Variants in FAM161B observed in about 807,000 individuals in gnomAD.
FAM161B encodes FAM161 centrosomal protein B.
In FAM161B, 46 loss-of-function variants were observed where a neutral mutation model predicts 61.5. The observed-to-expected ratio is 0.75, with a 90% CI of 0.59 to 0.96. FAM161B has a LOEUF of 0.96. Ranked by LOEUF, FAM161B falls within the 40% of genes least tolerant of loss-of-function variation. The pLI is 0.00. For synonymous variants in FAM161B, 284 were observed against 302.7 expected (o/e 0.94, Z 0.64); for missense variants, 774 against 800.7 (o/e 0.97, Z 0.40).
chr14:73,940,863 G>T, intron 5 of FAM161B, 63 bp downstream of exon 5: 1 of 1,548,400 alleles, frequency 6.5e-7, no homozygotes. Flanking sequence ...CCCCTTGGCA[G>T]GGAGGTTTCC....
downstream of FAM161B, among the ~76,000 whole-genome samples, chr14:73,930,946 A>G (rs182236710): frequency 2.6e-4 from 40 of 152,274 alleles, 1 homozygote; most frequent in East Asian, 1.7e-3. Context: ...CATTATTTCA[A>G]AACTCCTTTG....
chr14:73,925,243 G>A, the FAM161B span, among the ~76,000 whole-genome samples: 1 of 152,164 alleles, frequency 6.6e-6, no homozygotes, highest in African/African-American at 2.4e-5. Context: ...GCTTTGGAAT[G>A]AATCATACAT....
intron 1 of FAM161B, among the ~76,000 whole-genome samples, chr14:73,949,516 C>A (rs911730436): frequency 3.1e-5 from 4 of 127,162 alleles, no homozygotes; most frequent in Non-Finnish European, 7.1e-5. Context: ...GCGCGCCTGG[C>A]CAATTTTTTT....
the FAM161B span, chr14:73,923,494 C>G: frequency 6.2e-7 from 1 of 1,613,410 alleles, no homozygotes; most frequent in South Asian, 1.1e-5. Context: ...TATGAAGTTT[C>G]TGTCTTAACT....
Position 73,934,110 on chromosome 14 carries a change from C to T in FAM161B, c.*146G>A. On this transcript the variant is annotated 3_prime_UTR_variant, in exon 9 of 9. Coordinates refer to ENST00000286544, the MANE Select transcript of FAM161B (RefSeq NM_152445.3). Reference sequence around the variant, plus strand: ...GTGTTGGGATTACAGGCGTGAGCCACTGCGCCTGGCCTGTTAATCTGCTAC... The same window carrying T: ...GTGTTGGGATTACAGGCGTGAGCCATTGCGCCTGGCCTGTTAATCTGCTAC... The T allele has an allele frequency of 1.0e-6, 1 of 960,490 alleles. No individual in the cohort carries two copies. Among genetic ancestry groups the T allele is most frequent in the Non-Finnish European group, 1.5e-6 (1 of 667,638 alleles). The allele number at this position is 960,490 out of a possible 1,614,324, so 59.5% of individuals were successfully genotyped here. A position where few individuals can be genotyped will look rare whatever the true frequency, so the allele number is the denominator to read the frequency against.
chr14:73,929,594 T>C (rs960727749), downstream of FAM161B, among the ~76,000 whole-genome samples: 73 of 152,206 alleles, frequency 4.8e-4, no homozygotes, highest in African/African-American at 1.7e-3. Flanking sequence ...GCTAGCACTT[T>C]GGGAGGCTGG....
intron 3 of FAM161B, 152 bp downstream of exon 3, chr14:73,944,183 C>T: frequency 1.6e-6 from 2 of 1,264,724 alleles, no homozygotes; most frequent in South Asian, 1.5e-5. Flanking sequence ...ACCTAACCCT[C>T]CCCAATGGCC....
intron 4 of FAM161B, among the ~76,000 whole-genome samples, chr14:73,941,757 C>G (rs758243): frequency 0.41 from 62,842 of 151,974 alleles, 13,898 homozygotes; most frequent in South Asian, 0.5. Context: ...CCAGGCTGGC[C>G]TGCGGTGGCA....
rs199949854 is a variant in FAM161B, at chr14:73,946,446, G to A, written c.214C>T (p.Gln72Ter). 1.9e-6 allele frequency: 3 copies of A among 1,614,156 alleles called. No individual in the cohort carries two copies. The highest frequency in any genetic ancestry group is 2.5e-6 in the Non-Finnish European group (3 of 1,180,038). ...DSTGSIYQNLQELKQKGRWCL... is the reference protein window; with the variant it reads ...DSTGSIYQNL Reference sequence around the variant, plus strand: ...CATCTCCCTTTCTGCTTCAGTTCCTGTAAGTTCTGGTAAATGCTCCCAGTT... The same window carrying A: ...CATCTCCCTTTCTGCTTCAGTTCCTATAAGTTCTGGTAAATGCTCCCAGTT... The change falls in exon 2 of 9, where the codon CAG becomes TAG. Residue 72 changes from glutamine to a stop codon, truncating the protein, a stop_gained. Transcript: ENST00000286544. LOFTEE classifies it high-confidence loss of function.
In FAM161B at chr14:73,946,556, G is replaced by A; in HGVS notation, c.104C>T (p.Ser35Phe). The A allele has an allele frequency of 6.2e-7, 1 of 1,614,172 alleles. No individual in the cohort carries two copies. Among genetic ancestry groups the A allele is most frequent in the Non-Finnish European group, 8.5e-7 (1 of 1,180,040 alleles). Residue 35 changes from serine (S) to phenylalanine (F), a missense_variant, in exon 2 of 9, where the codon TCC (serine) becomes TTC (phenylalanine). Coordinates refer to ENST00000286544, the MANE Select transcript of FAM161B (RefSeq NM_152445.3). Reference sequence around the variant, plus strand: ...CCTGGGCAAAACCAGCCCATCCCCGGACAGCTCCTCTCCTGCCTCTGTGTC... The same window carrying A: ...CCTGGGCAAAACCAGCCCATCCCCGAACAGCTCCTCTCCTGCCTCTGTGTC... Reference protein sequence around the residue: ...FADTEAGEELSGDGLVLPRAS... With the variant: ...FADTEAGEELFGDGLVLPRAS...
Position 73,946,440 on chromosome 14 carries a change from G to A in FAM161B, c.220C>T (p.Leu74=). 1.2e-6 allele frequency: 2 copies of A among 1,614,160 alleles called. No homozygotes were observed. The highest frequency in any genetic ancestry group is 1.7e-6 in the Non-Finnish European group (2 of 1,180,030). Residue 74 remains leucine, a synonymous_variant, in exon 2 of 9, where the codon CTG becomes TTG. Coordinates refer to ENST00000286544, the MANE Select transcript of FAM161B (RefSeq NM_152445.3). The part of the protein sequence containing the change: ...TGSIYQNLQE[L]KQKGRWCLLE... ...AGACACCATCTCCCTTTCTGCTTCA[G>A]TTCCTGTAAGTTCTGGTAAATGCTC...
chr14:73,924,553 G>A, the FAM161B span: 1 of 354,456 alleles, frequency 2.8e-6, no homozygotes, highest in South Asian at 2.1e-5. Context: ...CTTGTGTCAT[G>A]GGAGTGGATG....
At chr14:73,949,866 T>C in intron 1 of FAM161B, 107 bp downstream of exon 1, 1 of 1,486,316 alleles carries the variant, frequency 6.7e-7, no homozygotes, top group South Asian at 1.3e-5. Context: ...CTCATTTTAA[T>C]CCCACGCCCC....
Position 73,934,400 on chromosome 14 carries a change from G to T in FAM161B, c.1806-6C>A. The T allele has an allele frequency of 3.1e-6, 5 of 1,588,506 alleles. No homozygotes were observed. Among genetic ancestry groups the T allele is most frequent in the Non-Finnish European group, 4.3e-6 (5 of 1,173,376 alleles). ...GTTTTGTAGTTTCTTGGAACCTGCA[G>T]AATAAATTAAAACATGAAAAACAAA... On this transcript the variant is annotated splice_polypyrimidine_tract_variant and splice_region_variant and intron_variant, in intron 8 of 8. Coordinates refer to ENST00000286544, the MANE Select transcript of FAM161B (RefSeq NM_152445.3).
At chr14:73,939,017 G>A (rs2055995292) in intron 5 of FAM161B, among the ~76,000 whole-genome samples, 1 of 151,118 alleles carries the variant, frequency 6.6e-6, no homozygotes, top group African/African-American at 2.4e-5. Flanking sequence ...TCCTTACTTA[G>A]GTCGGGCACG....
At chr14:73,923,633 G>T in the FAM161B span, 2 of 1,403,482 alleles carry the variant, frequency 1.4e-6, no homozygotes, top group South Asian at 1.4e-5. Flanking sequence ...ACTTTGGCAC[G>T]AATATTTTCC....
chr14:73,948,956 G>C (rs1337056894), intron 1 of FAM161B, among the ~76,000 whole-genome samples: 2 of 151,156 alleles, frequency 1.3e-5, no homozygotes, highest in Non-Finnish European at 2.9e-5. Context: ...GTCTCGCTCT[G>C]TCGCCAGGCT....
At chr14:73,939,379 T>C (rs1331950940) in intron 5 of FAM161B, among the ~76,000 whole-genome samples, 2 of 152,208 alleles carry the variant, frequency 1.3e-5, no homozygotes, top group African/African-American at 2.4e-5. Context: ...ATAATACTAA[T>C]AGCTACCATT....
the FAM161B span, among the ~76,000 whole-genome samples, chr14:73,923,735 C>T: frequency 2.0e-5 from 3 of 152,172 alleles, no homozygotes; most frequent in Admixed American, 2.0e-4. Flanking sequence ...GGACTCCCGG[C>T]TTTAAAGTTC....
Sources: allele counts gnomAD v4.1 joint callset (sites outside exome capture counted in the v4.1 genomes callset), GRCh38; gene constraint gnomAD v4.1.1; transcripts MANE v1.5; gene names NCBI Gene and HGNC (gene_info 2026-07-23, HGNC 2026-07-21).